XPO1: variants seen among roughly 807,000 people sequenced by gnomAD.
The protein encoded by XPO1 is exportin-1.
In XPO1, 5 loss-of-function variants were observed where a neutral mutation model predicts 133.3. That is an observed-to-expected ratio of 0.04 (90% CI 0.02 to 0.08). The LOEUF is 0.08. XPO1 is among the 10% of genes least tolerant of loss of function. The pLI is 1.00. For synonymous variants in XPO1, 419 were observed against 408.2 expected, an observed-to-expected ratio of 1.03 and a Z score of -0.32; for missense variants, 506 against 1,267.5, an observed-to-expected ratio of 0.40 and a Z score of 9.12.
At chr2:61,496,747 A>G in intron 10 of XPO1, 132 bp downstream of exon 10, 1 of 1,130,212 alleles carries the variant, frequency 8.8e-7, no homozygotes, top group Non-Finnish European at 1.2e-6. Context: ...GTAGCTTACT[A>G]CAAATTTTAT....
intron 4 of XPO1, among the ~76,000 whole-genome samples, chr2:61,519,698 C>CAAAAAAAAAAAAAA: frequency 1.4e-5 from 1 of 72,774 alleles, no homozygotes; most frequent in Non-Finnish European, 2.4e-5. Context: ...GACTCCGTCT[C>CAAAAAAAAAAAAAA]AAAAAAAAAA....
chr2:61,503,642 T>G (rs1445431390), intron 4 of XPO1, among the ~76,000 whole-genome samples: 1 of 152,134 alleles, frequency 6.6e-6, no homozygotes, highest in East Asian at 1.9e-4. Flanking sequence ...GCCAGGATGG[T>G]CTCGATCTCC....
intron 24 of XPO1, 115 bp downstream of exon 24, chr2:61,481,070 A>T (rs1696325768): frequency 3.2e-6 from 2 of 618,470 alleles, no homozygotes; most frequent in Non-Finnish European, 2.7e-6. Context: ...TAAACGTATT[A>T]TCTTGAAACC....
chr2:61,519,906 G>A (rs963133124), intron 4 of XPO1, among the ~76,000 whole-genome samples: 55 of 152,064 alleles, frequency 3.6e-4, no homozygotes, highest in South Asian at 6.2e-4. Context: ...CTAAAGGGCC[G>A]GACTTAGACA....
chr2:61,516,213 G>A (rs1221385762), intron 4 of XPO1, among the ~76,000 whole-genome samples: 7 of 149,634 alleles, frequency 4.7e-5, no homozygotes, highest in African/African-American at 1.7e-4. Flanking sequence ...GCTGAGGCAG[G>A]AGAATAGCTT....
intron 4 of XPO1, 46 bp downstream of exon 4, chr2:61,522,565 G>T: frequency 6.5e-7 from 1 of 1,536,368 alleles, no homozygotes. Context: ...CAATAAAAAT[G>T]CCAGGAAAAA....
intron 4 of XPO1, among the ~76,000 whole-genome samples, chr2:61,505,205 C>T (rs1558653188): frequency 6.6e-6 from 1 of 151,882 alleles, no homozygotes; most frequent in Non-Finnish European, 1.5e-5. Flanking sequence ...GTTGCTGGGG[C>T]TGGCCTTGAA....
At chr2:61,500,628 G>A (rs112110549) in intron 6 of XPO1, among the ~76,000 whole-genome samples, 8,553 of 141,506 alleles carry the variant, frequency 0.06, 341 homozygotes, top group South Asian at 0.11. Context: ...GTGAAACCCC[G>A]TCTCTACTAA....
rs376547967 is a variant in XPO1 at position 61,501,124 on chromosome 2, CAGAA to C, written c.408+868_408+871del. 4.9e-4 allele frequency among the ~76,000 whole-genome samples: 74 copies of C among 152,200 alleles called. 1 individual carries two copies. In the South Asian group the frequency reaches 0.014, roughly 29 times the overall value. The stretch of plus-strand genomic sequence containing the variant: ...CTCTCACCACTCAGAGAAGGGCTAA[CAGAA>C]AGCTCTAAAGTATAATAAAAGCTGG... On this transcript the variant is annotated intron_variant, in intron 6 of 24. Transcript: ENST00000401558.
At chr2:61,493,577 G>A (rs1461013022) in intron 12 of XPO1, 2 of 257,736 alleles carry the variant, frequency 7.8e-6, no homozygotes, top group African/African-American at 4.5e-5. Context: ...GTGTTTTAAT[G>A]TGATTTTTTT....
In XPO1 at chr2:61,499,793, A is replaced by G. The variant is rs748129217; in HGVS notation, c.510T>C (p.Ile170=). The G allele has an allele frequency of 1.2e-6, 2 of 1,613,410 alleles. No homozygotes were observed. The highest frequency in any genetic ancestry group is 1.7e-6 in the Non-Finnish European group (2 of 1,179,914). Residue 170 remains isoleucine (I), a synonymous_variant, in exon 7 of 25, where the codon ATT becomes ATC. Transcript: ENST00000401558. ...ATACTTCTTCACTCAAGAGTTTAAG[A>G]ATCACCATATTATTTTGACAGAGAC... ...SESLCQNNMV[I]LKLLSEEVFD...
chr2:61,481,628 A>T (rs1696363639), intron 23 of XPO1, among the ~76,000 whole-genome samples: 1 of 151,746 alleles, frequency 6.6e-6, no homozygotes, highest in African/African-American at 2.4e-5. Context: ...TATTTTTAGT[A>T]GAGACAGGGT....
chr2:61,495,613 T>C lies in XPO1; in HGVS notation c.889A>G (p.Met297Val). The change falls in exon 11 of 25, where the codon ATG becomes GTG. Residue 297 changes from methionine to valine, a missense_variant and splice_region_variant. Physicochemically the swap from Met to Val is conservative, Grantham distance 21. This residue lies in a region of XPO1 where 134 missense variants were observed against 261.6 expected (regional missense o/e 0.51). Transcript: ENST00000401558. ...CGAATATTGGTATTTAAAGGAAGCA[T>C]CTGCAAATTTTAAAAGGGACGATCA... ...FTLTMMQLKQMLPLNTNIRLA... is the reference protein window; with the variant it reads ...FTLTMMQLKQVLPLNTNIRLA... 1 of 1,553,314 alleles carries C rather than the reference T, an allele frequency of 6.4e-7. No homozygotes were observed. The highest frequency in any genetic ancestry group is 8.7e-7 in the Non-Finnish European group (1 of 1,146,312).
At chr2:61,518,126 T>C (rs879226671) in intron 4 of XPO1, among the ~76,000 whole-genome samples, 4 of 145,186 alleles carry the variant, frequency 2.8e-5, no homozygotes, top group Admixed American at 1.4e-4. Flanking sequence ...AGGGACTCTG[T>C]CTCACAAAAA....
intron 23 of XPO1, 46 bp from the exon 24 acceptor site, chr2:61,481,327 C>G: frequency 6.8e-7 from 1 of 1,476,222 alleles, no homozygotes; most frequent in Non-Finnish European, 9.3e-7. Flanking sequence ...ATTTTTCCCC[C>G]GAGACAGAGT....
At position 61,503,724 on chromosome 2, in the gene XPO1, C is replaced by T. The variant is rs561422309; in HGVS notation, c.302-1414G>A. On this transcript the variant is annotated intron_variant, in intron 4 of 24. Transcript: ENST00000401558. ...CAGGCGTGAGCCACTGCGCCCAGCA[C>T]ACCCAGCTACTTTTTGTATTTTTAT... is the stretch of plus-strand genomic sequence containing the variant. Among the ~76,000 whole-genome samples the T allele has an allele frequency of 7.2e-5, 11 of 152,266 alleles. No homozygotes were observed. In the South Asian group the frequency reaches 2.3e-3, roughly 32 times the overall value.
rs558712119 is a variant in XPO1, at chr2:61,478,465, T to C, written c.*355A>G. On this transcript the variant is annotated 3_prime_UTR_variant, in exon 25 of 25. Transcript: ENST00000401558. Reference sequence around the variant, plus strand: ...AAGGAAAATGCTCCCTAATTAAAAATTGGTATTGTTTACAGGAAAAATTGT... The same window carrying C: ...AAGGAAAATGCTCCCTAATTAAAAACTGGTATTGTTTACAGGAAAAATTGT... The C allele has an allele frequency of 5.1e-4, 137 of 270,000 alleles. No individual in the cohort carries two copies. The highest frequency in any genetic ancestry group is 2.5e-3 in the African/African-American group (114 of 45,958). 16.7% of individuals were successfully genotyped at this position (270,000 alleles called of 1,614,324 possible).
intron 2 of XPO1, among the ~76,000 whole-genome samples, chr2:61,526,874 A>G (rs1018603353): frequency 3.9e-5 from 6 of 151,922 alleles, no homozygotes; most frequent in African/African-American, 1.2e-4. Flanking sequence ...CAGCCAGCTA[A>G]TTTTTGTATT....
intron 17 of XPO1, among the ~76,000 whole-genome samples, chr2:61,489,154 C>T (rs1307772918): frequency 6.6e-6 from 1 of 151,442 alleles, no homozygotes; most frequent in Non-Finnish European, 1.5e-5. Flanking sequence ...TGGCTCACAC[C>T]TATAATCCCA....
Sources: allele counts gnomAD v4.1 joint callset (sites outside exome capture counted in the v4.1 genomes callset), GRCh38; gene constraint gnomAD v4.1.1; regional missense constraint gnomAD v4.1.1; transcripts MANE v1.5; gene names NCBI Gene and HGNC (gene_info 2026-07-23, HGNC 2026-07-21).